C12orf42: variants seen among roughly 807,000 people sequenced by gnomAD.
The protein encoded by C12orf42 is uncharacterized protein C12orf42.
In C12orf42, 25 loss-of-function variants were observed where a neutral mutation model predicts 21.6. The ratio of observed to expected loss-of-function variants is 1.16; its 90% CI spans 0.84 to 1.62. The LOEUF (loss-of-function observed/expected upper bound fraction) is 1.62, where lower values mean the gene tolerates loss of function less well. Ranked by LOEUF, C12orf42 falls within the 40% of genes most tolerant of loss-of-function variation. The probability of loss-of-function intolerance (pLI) is 0.00; values close to 1 mark genes in which losing one functional copy is unlikely to be tolerated. For synonymous variants in C12orf42, 174 were observed against 175.0 expected, an observed-to-expected ratio of 0.99 and a Z score of 0.05; for missense variants, 483 against 459.3, an observed-to-expected ratio of 1.05 and a Z score of -0.47.
intron 10 of C12orf42, among the ~76,000 whole-genome samples, chr12:103,254,213 G>A (rs1405841718): frequency 6.6e-6 from 1 of 152,076 alleles, no homozygotes; most frequent in Non-Finnish European, 1.5e-5. Context: ...ACTTTTTCCA[G>A]CACCATTTAT....
the C12orf42 span, among the ~76,000 whole-genome samples, chr12:103,154,153 G>A: frequency 6.6e-6 from 1 of 151,340 alleles, no homozygotes; most frequent in Non-Finnish European, 1.5e-5. Context: ...CAAATATCAA[G>A]CTGGTGGCTA....
chr12:103,307,210 TAGC>T (rs1156341190), intron 4 of C12orf42, among the ~76,000 whole-genome samples: 1 of 152,148 alleles, frequency 6.6e-6, no homozygotes, highest in Non-Finnish European at 1.5e-5. Flanking sequence ...CACAAATAAT[TAGC>T]AGAGTTGAAA....
At chr12:103,445,353 A>G (rs1178397762) in intron 2 of C12orf42, among the ~76,000 whole-genome samples, 2 of 151,550 alleles carry the variant, frequency 1.3e-5, no homozygotes, top group East Asian at 1.9e-4. Context: ...AATACCATAT[A>G]ATATCAAATT....
At chr12:103,355,993 A>G (rs1388953527) in intron 4 of C12orf42, among the ~76,000 whole-genome samples, 1 of 152,132 alleles carries the variant, frequency 6.6e-6, no homozygotes, top group Non-Finnish European at 1.5e-5. Flanking sequence ...GTTAGATATT[A>G]TCATGATCCT....
intron 4 of C12orf42, among the ~76,000 whole-genome samples, chr12:103,358,223 T>C (rs949821200): frequency 3.3e-5 from 5 of 152,124 alleles, no homozygotes; most frequent in African/African-American, 1.2e-4. Flanking sequence ...GTGGTCAAGC[T>C]GAGATCCAAA....
At chr12:103,346,418 C>T (rs2042627308) in intron 4 of C12orf42, among the ~76,000 whole-genome samples, 1 of 152,006 alleles carries the variant, frequency 6.6e-6, no homozygotes, top group African/African-American at 2.4e-5. Context: ...TATTTTTAAG[C>T]TATGGGTAAA....
chr12:103,133,346 G>T, the C12orf42 span, among the ~76,000 whole-genome samples: 1 of 152,066 alleles, frequency 6.6e-6, no homozygotes, highest in Non-Finnish European at 1.5e-5. Flanking sequence ...CACCTACCCA[G>T]TCCACTATTG....
chr12:103,172,187 C>T, the C12orf42 span, among the ~76,000 whole-genome samples: 1 of 152,118 alleles, frequency 6.6e-6, no homozygotes, highest in African/African-American at 2.4e-5. Flanking sequence ...CTCCTGCTTT[C>T]ATAAATTTCC....
At chr12:103,247,484 T>C (rs887692496) in intron 10 of C12orf42, among the ~76,000 whole-genome samples, 19 of 152,048 alleles carry the variant, frequency 1.2e-4, no homozygotes, top group Non-Finnish European at 2.6e-4. Flanking sequence ...AAAGTAACTA[T>C]TCATCATTCT....
the C12orf42 span, among the ~76,000 whole-genome samples, chr12:103,126,982 T>C: frequency 4.6e-5 from 7 of 152,176 alleles, no homozygotes; most frequent in Admixed American, 4.6e-4. Context: ...ATGATCAGTC[T>C]CACGATAAAA....
At chr12:103,143,233 T>G in the C12orf42 span, among the ~76,000 whole-genome samples, 1 of 152,200 alleles carries the variant, frequency 6.6e-6, no homozygotes, top group Non-Finnish European at 1.5e-5. Context: ...GCATTTCCAA[T>G]ACCCTGACCC....
At chr12:103,103,716 C>T in the C12orf42 span, among the ~76,000 whole-genome samples, 1 of 151,586 alleles carries the variant, frequency 6.6e-6, no homozygotes, top group South Asian at 2.1e-4. Context: ...CGTATTAAAA[C>T]GATTACAATA....
chr12:103,391,279 G>A (rs562777240), intron 3 of C12orf42, among the ~76,000 whole-genome samples: 8 of 151,890 alleles, frequency 5.3e-5, no homozygotes, highest in South Asian at 2.1e-4. Context: ...CTCTGTTTTC[G>A]ATTATTTAGG....
intron 4 of C12orf42, among the ~76,000 whole-genome samples, chr12:103,294,507 AAAAG>A (rs1265745696): frequency 6.1e-5 from 9 of 146,406 alleles, no homozygotes; most frequent in Non-Finnish European, 1.2e-4. Flanking sequence ...GAAAGAAAGA[AAAAG>A]AAAGGAAGAA....
chr12:103,201,378 A>C, the C12orf42 span, among the ~76,000 whole-genome samples: 1 of 152,160 alleles, frequency 6.6e-6, no homozygotes, highest in African/African-American at 2.4e-5. Flanking sequence ...TTCTCCATCC[A>C]ACCGCTGAGC....
At chr12:103,147,638 T>TTTTC in the C12orf42 span, among the ~76,000 whole-genome samples, 40 of 147,554 alleles carry the variant, frequency 2.7e-4, 1 homozygote, top group Non-Finnish European at 1.2e-4. Context: ...TTTTTTTTTT[T>TTTTC]TTTGTAATGT....
intron 4 of C12orf42, among the ~76,000 whole-genome samples, chr12:103,325,062 CA>C (rs1217414260): frequency 6.6e-6 from 1 of 152,144 alleles, no homozygotes; most frequent in Non-Finnish European, 1.5e-5. Flanking sequence ...ATTATCCAAA[CA>C]AAACAGTTGG....
At chr12:103,118,772 TAAA>T in the C12orf42 span, among the ~76,000 whole-genome samples, 717 of 41,474 alleles carry the variant, frequency 0.017, no homozygotes, top group African/African-American at 0.053. Flanking sequence ...CACTCCAGCC[TAAA>T]AAAAAAAAAA....
chr12:103,428,836 T>G (rs1376481952), intron 2 of C12orf42, among the ~76,000 whole-genome samples: 1 of 152,046 alleles, frequency 6.6e-6, no homozygotes, highest in Admixed American at 6.6e-5. Context: ...ATAAACGTAA[T>G]CCATCACATA....
Sources: allele counts gnomAD v4.1 joint callset (sites outside exome capture counted in the v4.1 genomes callset), GRCh38; gene constraint gnomAD v4.1.1; transcripts MANE v1.5; gene names NCBI Gene and HGNC (gene_info 2026-07-23, HGNC 2026-07-21).